IGF1R: variants seen among roughly 807,000 people sequenced by gnomAD.
The protein encoded by IGF1R is insulin like growth factor 1 receptor.
IGF1R carries 44 observed loss-of-function variants against 144.6 expected under a neutral mutation model. The observed-to-expected ratio is 0.30, with a 90% confidence interval of 0.24 to 0.39. The LOEUF is 0.39. Ranked by LOEUF, IGF1R falls within the 10% of genes least tolerant of loss-of-function variation. IGF1R has a pLI of 1.00. For missense variants in IGF1R, 1,355 were observed against 1,833.7 expected (o/e 0.74, Z 4.77); for synonymous variants, 795 against 722.8 (o/e 1.10, Z -1.60).
intron 2 of IGF1R, among the ~76,000 whole-genome samples, chr15:98,804,503 T>C (rs1370396817): frequency 6.6e-6 from 1 of 152,160 alleles, no homozygotes; most frequent in Non-Finnish European, 1.5e-5. Flanking sequence ...AGTGGTTTGC[T>C]TGTTGATTCT....
chr15:98,785,491 G>T (rs1360515075), intron 2 of IGF1R, among the ~76,000 whole-genome samples: 1 of 152,138 alleles, frequency 6.6e-6, no homozygotes, highest in East Asian at 1.9e-4. Flanking sequence ...TGTTCATAAG[G>T]AAGGGTAGCA....
intron 18 of IGF1R, among the ~76,000 whole-genome samples, chr15:98,940,495 C>A (rs1478625909): frequency 6.6e-6 from 1 of 152,196 alleles, no homozygotes; most frequent in East Asian, 1.9e-4. Flanking sequence ...CCTCCACCTC[C>A]CAGGTTCAAG....
chr15:98,649,622 G>T lies in IGF1R; in HGVS notation c.41G>T (p.Trp14Leu), dbSNP rs1432652561. ...GGAGGAGGGTCCCCGACCTCGCTGT[G>T]GGGGCTCCTGTTTCTCTCCGCCGCG... Reference protein sequence around the residue: ...GSGGGSPTSLWGLLFLSAALS... With the variant: ...GSGGGSPTSLLGLLFLSAALS... The change falls in exon 1 of 21, where the codon TGG becomes TTG. Residue 14 changes from tryptophan to leucine, a missense_variant. Physicochemically the swap from Trp to Leu is moderately conservative, Grantham distance 61 (BLOSUM62 -2). Transcript: ENST00000650285. 6.2e-7 allele frequency: 1 copy of T among 1,608,786 alleles called. No individual in the cohort carries two copies. The highest frequency in any genetic ancestry group is 8.5e-7 in the Non-Finnish European group (1 of 1,178,434).
Position 98,957,152 on chromosome 15 carries a change from C to T in IGF1R, c.3814C>T (p.Pro1272Ser), listed in dbSNP as rs767268676. 12 of 1,614,240 alleles carry T rather than the reference C, an allele frequency of 7.4e-6. 1 individual carries two copies. Among genetic ancestry groups the T allele is most frequent in the Non-Finnish European group, 4.2e-6 (5 of 1,180,046 alleles). The change falls in exon 21 of 21, where the codon CCT (proline) becomes TCT (serine). Residue 1272 changes from proline (P) to serine (S), a missense_variant. Coordinates refer to ENST00000650285, the MANE Select transcript of IGF1R (RefSeq NM_000875.5). ...IISSIKEEME[P>S]GFREVSFYYS... Reference sequence around the variant, plus strand: ...CAGCAGCATCAAAGAGGAGATGGAGCCTGGCTTCCGGGAGGTCTCCTTCTA... The same window carrying T: ...CAGCAGCATCAAAGAGGAGATGGAGTCTGGCTTCCGGGAGGTCTCCTTCTA...
chr15:98,873,399 A>G (rs997724818), intron 2 of IGF1R, among the ~76,000 whole-genome samples: 1 of 152,218 alleles, frequency 6.6e-6, no homozygotes, highest in Non-Finnish European at 1.5e-5. Flanking sequence ...GAAACCCCAC[A>G]TAAAGGAAGC....
chr15:98,790,931 C>T (rs1291397546), intron 2 of IGF1R, among the ~76,000 whole-genome samples: 11 of 152,280 alleles, frequency 7.2e-5, no homozygotes, highest in Non-Finnish European at 1.0e-4. Flanking sequence ...TCAAAAAGAT[C>T]ACTTTCTTTT....
At chr15:98,955,878 T>G (rs2016959130) in intron 20 of IGF1R, among the ~76,000 whole-genome samples, 1 of 152,246 alleles carries the variant, frequency 6.6e-6, no homozygotes, top group South Asian at 2.1e-4. Context: ...TGGCCACTTT[T>G]ATGGAAAAGC....
chr15:98,866,822 A>G (rs370770309), intron 2 of IGF1R, among the ~76,000 whole-genome samples: 15 of 152,308 alleles, frequency 9.8e-5, no homozygotes, highest in African/African-American at 3.6e-4. Flanking sequence ...TGTGAAAGTG[A>G]AAGTTTTAAA....
chr15:98,809,154 A>C (rs1471261911), intron 2 of IGF1R, among the ~76,000 whole-genome samples: 1 of 152,004 alleles, frequency 6.6e-6, no homozygotes, highest in Non-Finnish European at 1.5e-5. Flanking sequence ...GCCCTTTGAC[A>C]CTCCGGGGGC....
At position 98,704,065 on chromosome 15, in the gene IGF1R, G is replaced by GGA. The variant is rs1555433720; in HGVS notation, c.95-3497_95-3496insGA. 6.6e-6 allele frequency among the ~76,000 whole-genome samples: 1 copy of GGA among 151,876 alleles called. No individual in the cohort carries two copies. The highest frequency in any genetic ancestry group is 1.9e-4 in the East Asian group (1 of 5,176). Reference sequence around the variant, plus strand: ...CACAGTTAATTTAGTGTCCCCAGGGGAAAAAAGACCCTCCCGGCCCCCTTC... The same window carrying GGA: ...CACAGTTAATTTAGTGTCCCCAGGGGGAAAAAAAGACCCTCCCGGCCCCCTTC... On this transcript the variant is annotated intron_variant, in intron 1 of 20. Coordinates refer to ENST00000650285, the MANE Select transcript of IGF1R (RefSeq NM_000875.5). This position sits in a 1 kb window ranked among gnomAD's most constrained non-coding sequence, Gnocchi z 4.9.
chr15:98,911,801 A>G (rs2015033791), intron 7 of IGF1R, among the ~76,000 whole-genome samples: 1 of 152,190 alleles, frequency 6.6e-6, no homozygotes, highest in Non-Finnish European at 1.5e-5. Flanking sequence ...ATATCGTTTC[A>G]GCCTCCTTAC....
chr15:98,688,318 A>C (rs1245841907), intron 1 of IGF1R, among the ~76,000 whole-genome samples: 152 of 55,074 alleles, frequency 2.8e-3, no homozygotes, highest in Middle Eastern at 0.014. Context: ...TTCCTCTCCC[A>C]CTCTCCCTCC....
At chr15:98,912,169 A>G (rs2015053971) in intron 7 of IGF1R, among the ~76,000 whole-genome samples, 1 of 152,130 alleles carries the variant, frequency 6.6e-6, no homozygotes, top group Non-Finnish European at 1.5e-5. Context: ...CCCAGGTCCC[A>G]TGTTAATCCC....
intron 2 of IGF1R, among the ~76,000 whole-genome samples, chr15:98,854,919 C>T (rs1259116108): frequency 1.3e-5 from 2 of 149,164 alleles, no homozygotes; most frequent in Non-Finnish European, 2.9e-5. Flanking sequence ...GTCTTTGTTC[C>T]CCTCTCACTC....
intron 2 of IGF1R, among the ~76,000 whole-genome samples, chr15:98,801,168 C>A (rs2056355089): frequency 6.6e-6 from 1 of 152,184 alleles, no homozygotes; most frequent in Non-Finnish European, 1.5e-5. Context: ...TCAGAGCCCT[C>A]AAAGCCCTTG....
intron 2 of IGF1R, among the ~76,000 whole-genome samples, chr15:98,841,797 T>C (rs1324308134): frequency 6.6e-6 from 1 of 152,208 alleles, no homozygotes; most frequent in Non-Finnish European, 1.5e-5. Flanking sequence ...GGAGGAGCTG[T>C]GGGTTGCTTT....
chr15:98,810,658 T>C (rs984256235), intron 2 of IGF1R, among the ~76,000 whole-genome samples: 17 of 152,088 alleles, frequency 1.1e-4, no homozygotes, highest in Admixed American at 9.8e-4. Flanking sequence ...ACGCCATTCT[T>C]CTGCCTCAAC....
In IGF1R at chr15:98,648,573, C is replaced by T. The variant is rs1596136040; in HGVS notation, c.-1009C>T. ...CAGCGGCGGCGGCGGCGCGGCGAGG[C>T]TGGGGCTCTTGTTTACCAGCATTAA... On this transcript the variant is annotated 5_prime_UTR_variant, in exon 1 of 21. Coordinates refer to ENST00000650285, the MANE Select transcript of IGF1R (RefSeq NM_000875.5). 7.2e-6 allele frequency among the ~76,000 whole-genome samples: 1 copy of T among 138,340 alleles called. No homozygotes were observed. The highest frequency in any genetic ancestry group is 2.3e-4 in the South Asian group (1 of 4,418). 90.8% of individuals were successfully genotyped at this position (138,340 alleles called of 152,430 possible).
intron 2 of IGF1R, among the ~76,000 whole-genome samples, chr15:98,802,203 C>T (rs955284026): frequency 2.0e-5 from 3 of 152,160 alleles, no homozygotes; most frequent in Non-Finnish European, 2.9e-5. Context: ...GTTGAGGATT[C>T]GATCACTGTT....
Sources: allele counts gnomAD v4.1 joint callset (sites outside exome capture counted in the v4.1 genomes callset), GRCh38; gene constraint gnomAD v4.1.1; non-coding constraint Gnocchi (gnomAD v3.1); transcripts MANE v1.5; gene names NCBI Gene and HGNC (gene_info 2026-07-23, HGNC 2026-07-21).